IGF2: variants seen among roughly 807,000 people sequenced by gnomAD.
IGF2 encodes insulin-like growth factor 2.
Under a neutral mutation model 12.0 loss-of-function variants are expected in IGF2, and 2 were observed. That is an observed-to-expected ratio of 0.17 (90% CI 0.07 to 0.52). The LOEUF (loss-of-function observed/expected upper bound fraction) is 0.52. IGF2 is among the 20% of genes least tolerant of loss of function. IGF2 has a pLI of 0.95. For synonymous variants in IGF2, 105 were observed against 110.1 expected (o/e 0.95, Z 0.29); for missense variants, 211 against 268.0 (o/e 0.79, Z 1.48).
upstream of IGF2, among the ~76,000 whole-genome samples, chr11:2,145,906 C>T (rs1234133914): frequency 2.0e-5 from 3 of 152,080 alleles, no homozygotes; most frequent in Non-Finnish European, 2.9e-5. Context: ...ACTGGCTCCT[C>T]CCCCACTACT....
At chr11:2,149,275 G>C in the IGF2 span, 1 of 1,613,730 alleles carries the variant, frequency 6.2e-7, no homozygotes, top group African/African-American at 1.3e-5. Context: ...CCAAAGCAGG[G>C]GGTGCCCTGG....
At position 2,139,008 on chromosome 11, in the gene IGF2, C is replaced by T. The variant is rs1425761503; in HGVS notation, c.-786G>A. 2.2e-6 allele frequency: 2 copies of T among 930,174 alleles called. No homozygotes were observed. Among genetic ancestry groups the T allele is most frequent in the Non-Finnish European group, 2.5e-6 (2 of 809,404 alleles). 57.6% of individuals were successfully genotyped at this position (930,174 alleles called of 1,614,324 possible). A position where few individuals can be genotyped will look rare whatever the true frequency, so the allele number is the denominator to read the frequency against. Reference sequence around the variant, plus strand: ...ACCGGGGCCGCTCCGGGACGCAGCGCGGAAAGGGGAGCGGCCCGAGGCTGC... The same window carrying T: ...ACCGGGGCCGCTCCGGGACGCAGCGTGGAAAGGGGAGCGGCCCGAGGCTGC... On this transcript the variant is annotated 5_prime_UTR_variant, in exon 1 of 4. Coordinates refer to ENST00000416167, the MANE Select transcript of IGF2 (RefSeq NM_000612.6).
At position 2,138,390 on chromosome 11, in the gene IGF2, G is replaced by C. The variant is rs137913580; in HGVS notation, c.-168C>G. On this transcript the variant is annotated 5_prime_UTR_variant, in exon 1 of 4. Coordinates refer to ENST00000416167, the MANE Select transcript of IGF2 (RefSeq NM_000612.6). The stretch of plus-strand genomic sequence containing the variant: ...AGAGCGGGGGGATGGCTTTTTTTTG[G>C]GGGGGGGGGGAGAATTCGTCTGATT... 33,572 of 495,392 alleles carry C rather than the reference G, an allele frequency of 0.068. 2,132 individuals carry two copies. Among genetic ancestry groups the C allele is most frequent in the Non-Finnish European group, 0.076 (29,867 of 394,460 alleles). The allele number at this position is 495,392 out of a possible 1,614,324, so 30.7% of individuals were successfully genotyped here.
At chr11:2,137,503 C>A (rs1191443225) in intron 1 of IGF2, among the ~76,000 whole-genome samples, 9 of 151,272 alleles carry the variant, frequency 5.9e-5, no homozygotes, top group Non-Finnish European at 1.0e-4. Context: ...CCTGCACCCC[C>A]GGCTCATCTC....
In IGF2 at chr11:2,131,092, G is replaced by C. The variant is rs988246121; in HGVS notation, c.*1895C>G. The C allele has an allele frequency of 8.6e-5, 20 of 232,314 alleles. No homozygotes were observed. The highest frequency in any genetic ancestry group is 1.5e-4 in the Non-Finnish European group (18 of 117,784). 14.4% of individuals were successfully genotyped at this position (232,314 alleles called of 1,614,324 possible). A position where few individuals can be genotyped will look rare whatever the true frequency, so the allele number is the denominator to read the frequency against. Reference sequence around the variant, plus strand: ...GGGTATGGGGAGCATCGTGGCTCACGCTGCGGGGGCCGTGGGGACAGGCGC... The same window carrying C: ...GGGTATGGGGAGCATCGTGGCTCACCCTGCGGGGGCCGTGGGGACAGGCGC... On this transcript the variant is annotated 3_prime_UTR_variant, in exon 4 of 4. Transcript: ENST00000416167.
chr11:2,132,832 G>A lies in IGF2; in HGVS notation c.*155C>T, dbSNP rs1858702123. ...TGGAGGGGGCCGAGGAGAGTAGCCTGTTTCGGGGAGGCGGGGCACGGGGAC... is the reference window on the plus strand; with the variant it reads ...TGGAGGGGGCCGAGGAGAGTAGCCTATTTCGGGGAGGCGGGGCACGGGGAC... On this transcript the variant is annotated 3_prime_UTR_variant, in exon 4 of 4. Transcript: ENST00000416167. 3 of 606,352 alleles carry A rather than the reference G, an allele frequency of 4.9e-6. No homozygotes were observed. The highest frequency in any genetic ancestry group is 8.7e-6 in the Non-Finnish European group (3 of 344,338). The allele number at this position is 606,352 out of a possible 1,614,324, so 37.6% of individuals were successfully genotyped here. A position where few individuals can be genotyped will look rare whatever the true frequency, so the allele number is the denominator to read the frequency against.
Position 2,138,695 on chromosome 11 carries a change from C to A in IGF2, c.-473G>T. The stretch of plus-strand genomic sequence containing the variant: ...CTTTGGTTCGGCGAAGGCGAGAGGG[C>A]GGGCGTGAGGGGGGGAGGGAGTCGG... On this transcript the variant is annotated 5_prime_UTR_variant, in exon 1 of 4. Transcript: ENST00000416167. 1.8e-6 allele frequency: 1 copy of A among 564,978 alleles called. No homozygotes were observed. The highest frequency in any genetic ancestry group is 2.1e-6 in the Non-Finnish European group (1 of 486,880). The allele number at this position is 564,978 out of a possible 1,614,324, so 35.0% of individuals were successfully genotyped here.
rs1394737878 is a variant in IGF2, at chr11:2,129,914, A to G, written c.*3073T>C. 1 of 231,714 alleles carries G rather than the reference A, an allele frequency of 4.3e-6. No individual in the cohort carries two copies. The highest frequency in any genetic ancestry group is 8.5e-6 in the Non-Finnish European group (1 of 117,226). 14.4% of individuals were successfully genotyped at this position (231,714 alleles called of 1,614,324 possible). On this transcript the variant is annotated 3_prime_UTR_variant, in exon 4 of 4. Transcript: ENST00000416167. The surrounding 1 kb of genome is among the most constrained non-coding windows in gnomAD (Gnocchi z 8.1). ...ACCAGACCCGTGGGCTCCGGGGCCCAAGCAACCTGGTCGATGGGCAGACCT... is the reference window on the plus strand; with the variant it reads ...ACCAGACCCGTGGGCTCCGGGGCCCGAGCAACCTGGTCGATGGGCAGACCT...
chr11:2,140,380 G>C, upstream of IGF2: 1 of 1,304,486 alleles, frequency 7.7e-7, no homozygotes, highest in East Asian at 2.7e-5. Context: ...CACCCCGCCA[G>C]CCCCCCGCCG....
chr11:2,140,582 GC>G, upstream of IGF2: 2 of 496,450 alleles, frequency 4.0e-6, no homozygotes, highest in Non-Finnish European at 7.3e-6. Flanking sequence ...CCTCGCCCCA[GC>G]CCCCTGCCCG....
upstream of IGF2, among the ~76,000 whole-genome samples, chr11:2,141,847 T>TA (rs1160765157): frequency 1.3e-5 from 2 of 152,190 alleles, no homozygotes; most frequent in Non-Finnish European, 1.5e-5. Flanking sequence ...AATAAAAAAA[T>TA]AAAAAATCAG....
chr11:2,134,267 TG>T (rs1858831383), intron 2 of IGF2: 1 of 411,416 alleles, frequency 2.4e-6, no homozygotes, highest in Non-Finnish European at 4.9e-6. Flanking sequence ...CACCTTGGGG[TG>T]CCAAAGGGCA....
upstream of IGF2, chr11:2,140,529 A>G (rs915117353): frequency 3.7e-6 from 2 of 537,174 alleles, no homozygotes; most frequent in African/African-American, 2.1e-5. Context: ...CCCGCGGGCT[A>G]GAGGCACTTT....
At chr11:2,149,178 G>A in the IGF2 span, 4 of 1,613,478 alleles carry the variant, frequency 2.5e-6, no homozygotes, top group Non-Finnish European at 3.4e-6. Context: ...TGGATAAAGA[G>A]GACCGGGGAG....
Position 2,138,607 on chromosome 11 carries a change from G to T in IGF2, c.-385C>A. 1 of 978,824 alleles carries T rather than the reference G, an allele frequency of 1.0e-6. No individual in the cohort carries two copies. Among genetic ancestry groups the T allele is most frequent in the Non-Finnish European group, 1.2e-6 (1 of 825,040 alleles). 60.6% of individuals were successfully genotyped at this position (978,824 alleles called of 1,614,324 possible). ...CGAGGGGGAGAGAGGACAGCGAGAG[G>T]CGGGCAGGCGCACAGCGGGAGAGAA... On this transcript the variant is annotated 5_prime_UTR_variant, in exon 1 of 4. Transcript: ENST00000416167.
upstream of IGF2, among the ~76,000 whole-genome samples, chr11:2,139,982 G>A (rs1859444911): frequency 6.6e-6 from 1 of 151,992 alleles, no homozygotes; most frequent in Admixed American, 6.5e-5. Flanking sequence ...AGCGCCCCCC[G>A]GTGCCGCGCC....
At position 2,138,475 on chromosome 11, in the gene IGF2, G is replaced by T; in HGVS notation, c.-253C>A. On this transcript the variant is annotated 5_prime_UTR_variant, in exon 1 of 4. Transcript: ENST00000416167. ...GGGCCAGATGTTGTACTTTTCGGGG[G>T]GGAAAAGGTATCGGGAAATGAGGTC... 1.1e-6 allele frequency: 1 copy of T among 929,410 alleles called. No individual in the cohort carries two copies. The highest frequency in any genetic ancestry group is 1.3e-6 in the Non-Finnish European group (1 of 783,696). 57.6% of individuals were successfully genotyped at this position (929,410 alleles called of 1,614,324 possible).
At chr11:2,136,935 G>C (rs1859103037) in intron 1 of IGF2, among the ~76,000 whole-genome samples, 1 of 152,242 alleles carries the variant, frequency 6.6e-6, no homozygotes, top group Non-Finnish European at 1.5e-5. Context: ...GAGCAGGTGA[G>C]GGCCCAGGAA....
rs1176463463 is a variant in IGF2 at position 2,133,892 on chromosome 11, C to T, written c.158-227G>A. Reference sequence around the variant, plus strand: ...GACCCAGACCAGCCCGTGGCCTCTGCTGCCTCCTTCCTCAGATGAAAAATG... The same window carrying T: ...GACCCAGACCAGCCCGTGGCCTCTGTTGCCTCCTTCCTCAGATGAAAAATG... On this transcript the variant is annotated intron_variant, in intron 2 of 3. Transcript: ENST00000416167. This position sits in a 1 kb window ranked among gnomAD's most constrained non-coding sequence, Gnocchi z 8.9. Among the ~76,000 whole-genome samples the T allele has an allele frequency of 6.6e-6, 1 of 152,238 alleles. No individual in the cohort carries two copies. Among genetic ancestry groups the T allele is most frequent in the African/African-American group, 2.4e-5 (1 of 41,466 alleles).
Sources: allele counts gnomAD v4.1 joint callset (sites outside exome capture counted in the v4.1 genomes callset), GRCh38; gene constraint gnomAD v4.1.1; non-coding constraint Gnocchi (gnomAD v3.1); transcripts MANE v1.5; gene names NCBI Gene and HGNC (gene_info 2026-07-23, HGNC 2026-07-21).